VPS13C: variants seen among roughly 807,000 people sequenced by gnomAD.
VPS13C encodes intermembrane lipid transfer protein VPS13C.
VPS13C carries 358 observed loss-of-function variants against 456.8 expected under a neutral mutation model. The ratio of observed to expected loss-of-function variants is 0.78; its 90% CI spans 0.72 to 0.86. The LOEUF (loss-of-function observed/expected upper bound fraction) is 0.86, where lower values mean the gene tolerates loss of function less well. VPS13C is among the 40% of genes least tolerant of loss of function. VPS13C has a pLI of 0.00. For synonymous variants in VPS13C, 1,578 were observed against 1,486.7 expected (o/e 1.06, Z -1.41); for missense variants, 4,818 against 4,385.4 (o/e 1.10, Z -2.79).
At chr15:61,886,399 T>A (rs1341782801) in intron 67 of VPS13C, among the ~76,000 whole-genome samples, 3 of 152,152 alleles carry the variant, frequency 2.0e-5, no homozygotes, top group Non-Finnish European at 4.4e-5. Flanking sequence ...ATGCTTTTTT[T>A]AATAAGAAGA....
chr15:61,895,882 T>C (rs1001804374), intron 66 of VPS13C, among the ~76,000 whole-genome samples: 5 of 152,168 alleles, frequency 3.3e-5, no homozygotes, highest in Non-Finnish European at 7.4e-5. Context: ...GAATCAGTTC[T>C]AGTGTCCTAT....
At chr15:62,038,312 A>G (rs1035261543) in intron 3 of VPS13C, among the ~76,000 whole-genome samples, 4 of 152,116 alleles carry the variant, frequency 2.6e-5, no homozygotes, top group Non-Finnish European at 5.9e-5. Context: ...TTCTAGGCCA[A>G]GCGTGGTGAC....
intron 47 of VPS13C, among the ~76,000 whole-genome samples, chr15:61,937,244 T>A (rs2044257266): frequency 6.6e-6 from 1 of 152,222 alleles, no homozygotes; most frequent in African/African-American, 2.4e-5. Flanking sequence ...ATAAAACATT[T>A]GTTTAACTTA....
At chr15:61,978,777 T>G in intron 22 of VPS13C, 28 bp from the exon 23 acceptor site, 2 of 1,571,168 alleles carry the variant, frequency 1.3e-6, no homozygotes, top group Non-Finnish European at 1.7e-6. Context: ...TTTCAATTTT[T>G]TTTTCCAAAA....
In VPS13C at chr15:61,882,735, AC is replaced by A. The variant is rs1452815462; in HGVS notation, c.9484del (p.Val3162SerfsTer39). On this transcript the variant is annotated frameshift_variant and splice_region_variant, in exon 69 of 85. Coordinates refer to ENST00000644861, the MANE Select transcript of VPS13C (RefSeq NM_020821.3). LOFTEE classifies it high-confidence loss of function. Reference protein sequence around the residue: ...GWIKLDNNFEVNFDKDPMEMR... With the variant: ...GWIKLDNNFEXNFDKDPMEMR... The stretch of plus-strand genomic sequence containing the variant: ...TTCCATTGGATCTTTATCAAAATTG[AC>A]CTAGAAAAAAAGCACATGTTTTTGT... 1 of 1,586,032 alleles carries A rather than the reference AC, an allele frequency of 6.3e-7. No individual in the cohort carries two copies. Among genetic ancestry groups the A allele is most frequent in the East Asian group, 2.3e-5 (1 of 44,412 alleles).
intron 3 of VPS13C, among the ~76,000 whole-genome samples, chr15:62,039,530 G>C (rs34138933): frequency 0.38 from 57,545 of 151,738 alleles, 11,931 homozygotes; most frequent in Admixed American, 0.5. Context: ...CTAATAATCT[G>C]ATTTAAAAAT....
intron 6 of VPS13C, among the ~76,000 whole-genome samples, chr15:62,024,239 T>C (rs1416852395): frequency 6.6e-6 from 1 of 151,996 alleles, no homozygotes; most frequent in African/African-American, 2.4e-5. Context: ...TTGATAAACA[T>C]ATGGTAGGAA....
intron 35 of VPS13C, among the ~76,000 whole-genome samples, chr15:61,960,882 C>A (rs1391240081): frequency 7.9e-5 from 12 of 152,118 alleles, no homozygotes; most frequent in Admixed American, 7.9e-4. Flanking sequence ...TTGAGACTAG[C>A]CTGGCCAACA....
chr15:61,967,379 C>T lies in VPS13C; in HGVS notation c.2980G>A (p.Glu994Lys). The change falls in exon 29 of 85, where the codon GAG becomes AAG. Residue 994 changes from glutamate (E) to lysine (K), a missense_variant. Glu to Lys is a moderately conservative substitution (Grantham distance 56, BLOSUM62 1). Around this residue, in one of 3 missense-constraint regions of VPS13C, gnomAD observed 4,552 missense variants for 4,130.6 expected, o/e 1.10. Coordinates refer to ENST00000644861, the MANE Select transcript of VPS13C (RefSeq NM_020821.3). ...TCTATAGCCCTTACCTTAATATACT[C>T]CACTTTCAAAAGATCTAATCCAGGT... Reference protein sequence around the residue: ...DKPGLDLLKVEYIKADKNGPS... With the variant: ...DKPGLDLLKVKYIKADKNGPS... The T allele has an allele frequency of 3.7e-6, 6 of 1,606,364 alleles. No individual in the cohort carries two copies. Among genetic ancestry groups the T allele is most frequent in the Non-Finnish European group, 4.3e-6 (5 of 1,176,016 alleles).
Position 61,880,933 on chromosome 15 carries a change from C to A in VPS13C, c.9798G>T (p.Gln3266His). ...CTTGATCAATTTTTAAGGCCATTTC[C>A]TGAATGAGGACCATAAAATACCTAA... The part of the protein sequence containing the change: ...LQFKYFMVLI[Q>H]EMALKIDQGF... Residue 3266 changes from glutamine (Q) to histidine (H), a missense_variant, in exon 72 of 85, where the codon CAG becomes CAT. Transcript: ENST00000644861. 6.2e-7 allele frequency: 1 copy of A among 1,608,066 alleles called. No homozygotes were observed. The highest frequency in any genetic ancestry group is 8.5e-7 in the Non-Finnish European group (1 of 1,177,406).
rs375154929 is a variant in VPS13C, at chr15:61,962,541, G to A, written c.3436-3C>T. On this transcript the variant is annotated splice_polypyrimidine_tract_variant and splice_region_variant and intron_variant, in intron 33 of 84. Transcript: ENST00000644861. ...TCATTTCCCATTATTGACACAGCCT[G>A]AAAAACAGAGACTTGAATGTACTCT... is the stretch of plus-strand genomic sequence containing the variant. 64 of 1,605,376 alleles carry A rather than the reference G, an allele frequency of 4.0e-5. No individual in the cohort carries two copies. The highest frequency in any genetic ancestry group is 3.3e-4 in the Middle Eastern group (2 of 6,026).
At chr15:61,861,087 G>A (rs1229626760) in intron 82 of VPS13C, among the ~76,000 whole-genome samples, 3 of 148,858 alleles carry the variant, frequency 2.0e-5, no homozygotes, top group Non-Finnish European at 3.0e-5. Flanking sequence ...TCAGCCTCCC[G>A]AATAGCTGGG....
intron 47 of VPS13C, among the ~76,000 whole-genome samples, chr15:61,937,921 C>T (rs1320139214): frequency 6.6e-6 from 1 of 152,126 alleles, no homozygotes; most frequent in Non-Finnish European, 1.5e-5. Context: ...GACACAGTGG[C>T]TCCAAAGGCC....
chr15:61,927,790 A>C (rs930644649), intron 51 of VPS13C, among the ~76,000 whole-genome samples: 2 of 152,204 alleles, frequency 1.3e-5, no homozygotes, highest in African/African-American at 4.8e-5. Context: ...ACTTGGAACC[A>C]ACCCAAATGT....
chr15:61,993,052 T>C (rs544607477), intron 16 of VPS13C, among the ~76,000 whole-genome samples: 6 of 152,278 alleles, frequency 3.9e-5, no homozygotes, highest in African/African-American at 1.4e-4. Context: ...ATTAAATGTA[T>C]ATCATCTGAG....
At chr15:61,890,441 CTT>C in intron 66 of VPS13C, 41 bp from the exon 67 acceptor site, 1 of 1,530,724 alleles carries the variant, frequency 6.5e-7, no homozygotes, top group Non-Finnish European at 9.0e-7. Context: ...CACATAGTAA[CTT>C]GTTATTATAT....
At chr15:62,005,778 C>A (rs2046814457) in intron 15 of VPS13C, among the ~76,000 whole-genome samples, 1 of 151,986 alleles carries the variant, frequency 6.6e-6, no homozygotes, top group Admixed American at 6.6e-5. Flanking sequence ...TCTGGGCTCA[C>A]TGCAACCTCC....
In VPS13C at chr15:61,920,133, G is replaced by A; in HGVS notation, c.7411C>T (p.Pro2471Ser). 6.2e-7 allele frequency: 1 copy of A among 1,613,396 alleles called. No homozygotes were observed. The highest frequency in any genetic ancestry group is 1.7e-5 in the Admixed American group (1 of 59,976). ...ATAGATAGGTTCCCTTGACTTGAAG[G>A]TACCATGCTGGCATACTCCAGTTCC... ...NLELEYASMVPSSQGNLSILS... is the reference protein window; with the variant it reads ...NLELEYASMVSSSQGNLSILS... The change falls in exon 57 of 85, where the codon CCT (proline) becomes TCT (serine). Residue 2471 changes from proline (P) to serine (S), a missense_variant. This residue lies in a region of VPS13C where 4,552 missense variants were observed against 4,130.6 expected (regional missense o/e 1.10). Transcript: ENST00000644861.
chr15:62,013,199 C>T, intron 10 of VPS13C, 80 bp from the exon 11 acceptor site: 1 of 1,040,444 alleles, frequency 9.6e-7, no homozygotes. Flanking sequence ...TTCTCATGTT[C>T]ACCACTCCAA....
Sources: allele counts gnomAD v4.1 joint callset (sites outside exome capture counted in the v4.1 genomes callset), GRCh38; gene constraint gnomAD v4.1.1; regional missense constraint gnomAD v4.1.1; transcripts MANE v1.5; gene names NCBI Gene and HGNC (gene_info 2026-07-23, HGNC 2026-07-21).